Variants in ACTR3C observed in about 807,000 individuals in gnomAD.
ACTR3C encodes the protein actin related protein 3C.
A neutral mutation model predicts 26.3 loss-of-function variants in ACTR3C; 18 were observed. That is an observed-to-expected ratio of 0.68 (90% CI 0.47 to 1.01). The LOEUF (loss-of-function observed/expected upper bound fraction) is 1.01. ACTR3C is among the 50% of genes least tolerant of loss of function. ACTR3C has a pLI of 0.00. For synonymous variants in ACTR3C, 55 were observed against 94.5 expected (o/e 0.58, Z 2.42); for missense variants, 184 against 250.7 (o/e 0.73, Z 1.80).
chr7:149,925,133 AG>A, the ACTR3C span, among the ~76,000 whole-genome samples: 1 of 151,408 alleles, frequency 6.6e-6, no homozygotes, highest in Non-Finnish European at 1.5e-5. Flanking sequence ...CATTTATGAT[AG>A]CAAAAAAAAA....
the ACTR3C span, among the ~76,000 whole-genome samples, chr7:150,037,796 GAGCCAGCGGGGGAAGAGGGA>G: frequency 2.4e-5 from 1 of 41,684 alleles, no homozygotes. Context: ...GGGGTCCCCA[GAGCCAGCGGGGGAAGAGGGA>G]CTGGCACTCA....
the ACTR3C span, among the ~76,000 whole-genome samples, chr7:149,897,509 C>A: frequency 1.3e-5 from 2 of 152,112 alleles, no homozygotes; most frequent in African/African-American, 4.8e-5. Flanking sequence ...ACAATTATTT[C>A]TAAAAGTAGA....
chr7:150,281,178 T>C (rs1835304500), intron 6 of ACTR3C, among the ~76,000 whole-genome samples: 2 of 152,100 alleles, frequency 1.3e-5, no homozygotes, highest in East Asian at 1.9e-4. Context: ...TTGGAAGCAC[T>C]GCATAGTGAA....
chr7:150,077,021 C>T, the ACTR3C span, among the ~76,000 whole-genome samples: 36 of 151,880 alleles, frequency 2.4e-4, no homozygotes, highest in East Asian at 3.3e-3. Flanking sequence ...AAAAATTAGC[C>T]GAGCATGGTG....
At chr7:150,180,194 A>G in the ACTR3C span, among the ~76,000 whole-genome samples, 1 of 149,974 alleles carries the variant, frequency 6.7e-6, no homozygotes, top group Non-Finnish European at 1.5e-5. Context: ...AGTCCCAGCT[A>G]CTCGGGAGGC....
chr7:149,903,904 G>T, the ACTR3C span, among the ~76,000 whole-genome samples: 829 of 4,322 alleles, frequency 0.19, 28 homozygotes, highest in Middle Eastern at 0.42. Flanking sequence ...GTTGTTGCTG[G>T]TTGTTGTTGT....
chr7:150,252,900 C>A (rs61258460), intron 6 of ACTR3C, among the ~76,000 whole-genome samples: 2,888 of 149,582 alleles, frequency 0.019, 101 homozygotes, highest in African/African-American at 0.07. Flanking sequence ...CTGGGCCCAA[C>A]AGCTATCTCA....
the ACTR3C span, among the ~76,000 whole-genome samples, chr7:150,021,993 G>T: frequency 2.6e-5 from 4 of 151,944 alleles, no homozygotes; most frequent in Admixed American, 6.6e-5. Flanking sequence ...CAGTAGTGGG[G>T]TGGCTGGATC....
At chr7:150,044,702 G>A in the ACTR3C span, 1 of 152,230 alleles carries the variant, frequency 6.6e-6, no homozygotes. Context: ...AGGCATGTAG[G>A]TGTACACACA....
the ACTR3C span, among the ~76,000 whole-genome samples, chr7:150,237,762 A>G: frequency 1.3e-5 from 2 of 151,774 alleles, no homozygotes; most frequent in African/African-American, 4.9e-5. Flanking sequence ...CCTTGCTGGT[A>G]GCCAGCTCTG....
At chr7:150,102,580 G>A in the ACTR3C span, among the ~76,000 whole-genome samples, 1 of 152,040 alleles carries the variant, frequency 6.6e-6, no homozygotes, top group Non-Finnish European at 1.5e-5. Flanking sequence ...AATGAAGGAT[G>A]CTGATGTTCC....
chr7:150,204,782 G>A, the ACTR3C span, among the ~76,000 whole-genome samples: 2 of 150,334 alleles, frequency 1.3e-5, no homozygotes. Context: ...GAGGAGGAGC[G>A]AGGAACAGGC....
the ACTR3C span, among the ~76,000 whole-genome samples, chr7:150,065,383 C>T: frequency 8.5e-5 from 13 of 152,180 alleles, no homozygotes; most frequent in East Asian, 1.9e-4. Context: ...GTAACTTATT[C>T]GCTTTACTTA....
the ACTR3C span, among the ~76,000 whole-genome samples, chr7:150,153,415 C>A: frequency 1.5e-5 from 2 of 136,882 alleles, no homozygotes; most frequent in South Asian, 2.6e-4. Flanking sequence ...GGGCGAAGGA[C>A]AGGAAAAGAC....
At chr7:150,041,739 T>C in the ACTR3C span, among the ~76,000 whole-genome samples, 1 of 110,552 alleles carries the variant, frequency 9.0e-6, no homozygotes, top group Non-Finnish European at 1.8e-5. Flanking sequence ...GCGATGGGGG[T>C]CCTAAGAGCC....
rs145271970 is a variant in ACTR3C at position 150,306,966 on chromosome 7, T to A, written c.-51-11619A>T. The stretch of plus-strand genomic sequence containing the variant: ...CAACAGTGAAAACTAAAAAGTATAA[T>A]GCTTAGCTTTTTAAAAAAGCAGTTA... On this transcript the variant is annotated intron_variant, in intron 1 of 7. Coordinates refer to ENST00000683684, the MANE Select transcript of ACTR3C (RefSeq NM_001164458.2). Among the ~76,000 whole-genome samples, 1,019 of 152,366 alleles carry A rather than the reference T, an allele frequency of 6.7e-3. 16 individuals carry two copies. The highest frequency in any genetic ancestry group is 0.022 in the African/African-American group (935 of 41,578).
At chr7:150,036,966 C>G in the ACTR3C span, among the ~76,000 whole-genome samples, 2 of 77,762 alleles carry the variant, frequency 2.6e-5, no homozygotes, top group African/African-American at 9.1e-5. Context: ...GGGGCTGGCT[C>G]TCAGTCCCTG....
At chr7:150,281,411 G>A (rs911667357) in intron 6 of ACTR3C, among the ~76,000 whole-genome samples, 1 of 150,538 alleles carries the variant, frequency 6.6e-6, no homozygotes, top group Non-Finnish European at 1.5e-5. Context: ...AGAAGGGAGC[G>A]TAGCAGGGAG....
the ACTR3C span, among the ~76,000 whole-genome samples, chr7:149,894,320 A>T: frequency 6.6e-6 from 1 of 152,228 alleles, no homozygotes; most frequent in African/African-American, 2.4e-5. Context: ...AAAATGCTTT[A>T]TGACATTGGT....
Sources: gnomAD v4.1 joint callset for allele counts (sites outside exome capture counted in the v4.1 genomes callset) on GRCh38, gnomAD v4.1.1 for gene constraint, MANE v1.5 for transcripts, NCBI Gene and HGNC (gene_info 2026-07-23, HGNC 2026-07-21) for gene names.